Variants in CPVL observed in about 807,000 individuals in gnomAD.
CPVL encodes carboxypeptidase vitellogenic like, also known as probable serine carboxypeptidase CPVL.
In CPVL, 51 loss-of-function variants were observed where a neutral mutation model predicts 63.7. The observed-to-expected ratio is 0.80, with a 90% confidence interval of 0.64 to 1.01. The LOEUF (loss-of-function observed/expected upper bound fraction) is 1.01. CPVL is among the 50% of genes least tolerant of loss of function. CPVL has a pLI of 0.00. For synonymous variants in CPVL, 195 were observed against 206.0 expected (o/e 0.95, Z 0.46); for missense variants, 530 against 573.1 (o/e 0.92, Z 0.77).
At chr7:29,005,180 C>T (rs1293909649) in intron 12 of CPVL, among the ~76,000 whole-genome samples, 2 of 152,090 alleles carry the variant, frequency 1.3e-5, no homozygotes, top group African/African-American at 2.4e-5. Context: ...GATTACCCAT[C>T]GCGCCTGGCC....
At chr7:29,056,104 G>A (rs952325335) in intron 11 of CPVL, among the ~76,000 whole-genome samples, 1 of 152,186 alleles carries the variant, frequency 6.6e-6, no homozygotes, top group East Asian at 1.9e-4. Flanking sequence ...CACCCCTTAT[G>A]CCCTCTCCCA....
At chr7:29,142,087 C>T (rs1791954904) in intron 1 of CPVL, among the ~76,000 whole-genome samples, 1 of 152,230 alleles carries the variant, frequency 6.6e-6, no homozygotes, top group Admixed American at 6.5e-5. Flanking sequence ...ACCTTACCCC[C>T]TGAACTTCCC....
intron 12 of CPVL, among the ~76,000 whole-genome samples, chr7:29,021,745 C>T (rs1786999776): frequency 6.6e-6 from 1 of 151,948 alleles, no homozygotes; most frequent in African/African-American, 2.4e-5. Flanking sequence ...CTGGGTCCCA[C>T]ACATCCCCTG....
chr7:29,061,898 C>T (rs187460591), intron 11 of CPVL, among the ~76,000 whole-genome samples: 152 of 150,324 alleles, frequency 1.0e-3, no homozygotes, highest in Non-Finnish European at 1.7e-3. Flanking sequence ...GTGAGCCAGT[C>T]GCACCATTGC....
intron 12 of CPVL, among the ~76,000 whole-genome samples, chr7:29,007,775 AGT>A (rs1554325806): frequency 6.6e-6 from 1 of 151,630 alleles, no homozygotes; most frequent in Non-Finnish European, 1.5e-5. Context: ...ACACACACAC[AGT>A]CAGAGGCAAA....
At chr7:29,015,985 A>G (rs142400277) in intron 12 of CPVL, among the ~76,000 whole-genome samples, 62 of 152,342 alleles carry the variant, frequency 4.1e-4, no homozygotes, top group African/African-American at 1.4e-3. Context: ...GAGAGCTCAC[A>G]GATGCGGAAT....
chr7:29,167,726 C>T (rs1392767225), intron 5 of CPVL, among the ~76,000 whole-genome samples: 1 of 152,174 alleles, frequency 6.6e-6, no homozygotes, highest in Non-Finnish European at 1.5e-5. Context: ...AAACTGGCAT[C>T]TGTGAAAGTC....
intron 1 of CPVL, among the ~76,000 whole-genome samples, chr7:29,136,270 A>G (rs989547578): frequency 2.6e-5 from 4 of 152,240 alleles, no homozygotes; most frequent in African/African-American, 9.6e-5. Flanking sequence ...AGAGTGATAG[A>G]GAAAATAGAA....
At chr7:29,147,020 G>A, upstream of CPVL, 1 of 1,547,752 alleles carries the variant, frequency 6.5e-7, no homozygotes, top group Non-Finnish European at 8.7e-7. Flanking sequence ...CTGCGCTGGA[G>A]TCTCAGAGCC....
intron 11 of CPVL, among the ~76,000 whole-genome samples, chr7:29,040,356 T>C (rs1177512827): frequency 6.6e-6 from 1 of 152,234 alleles, no homozygotes; most frequent in Admixed American, 6.5e-5. Context: ...AAAACTTTAA[T>C]TCAGCTGAGG....
chr7:29,157,472 G>A (rs1794560345), intron 5 of CPVL, among the ~76,000 whole-genome samples: 4 of 152,084 alleles, frequency 2.6e-5, no homozygotes, highest in Admixed American at 2.6e-4. Context: ...AGTTAGCTTC[G>A]CACAGTGGCT....
chr7:29,006,041 C>T (rs112242514), intron 12 of CPVL, among the ~76,000 whole-genome samples: 188 of 152,230 alleles, frequency 1.2e-3, no homozygotes, highest in African/African-American at 5.8e-4. Flanking sequence ...AAACAAGAGC[C>T]GGCTAACCTG....
intron 11 of CPVL, among the ~76,000 whole-genome samples, chr7:29,033,326 G>A (rs933804457): frequency 6.6e-6 from 1 of 152,170 alleles, no homozygotes; most frequent in Non-Finnish European, 1.5e-5. Context: ...CTAGGACCCA[G>A]TGGCTGAGCA....
At chr7:29,065,274 A>G (rs76047368) in intron 10 of CPVL, among the ~76,000 whole-genome samples, 16 of 152,112 alleles carry the variant, frequency 1.1e-4, no homozygotes, top group African/African-American at 3.1e-4. Flanking sequence ...TGTCTACCAC[A>G]TGTTTTTCTC....
intron 5 of CPVL, among the ~76,000 whole-genome samples, chr7:29,180,261 C>CT (rs1422384614): frequency 6.6e-6 from 1 of 152,162 alleles, no homozygotes; most frequent in Non-Finnish European, 1.5e-5. Context: ...TGTGGTGGCT[C>CT]ACGCCTGTAA....
chr7:29,090,306 C>G (rs1209195868), intron 6 of CPVL, among the ~76,000 whole-genome samples: 1 of 152,166 alleles, frequency 6.6e-6, no homozygotes, highest in African/African-American at 2.4e-5. Context: ...GTGAAGGGAG[C>G]CTCTTCTGCA....
intron 3 of CPVL, among the ~76,000 whole-genome samples, chr7:29,107,938 C>A (rs1341012439): frequency 1.3e-5 from 2 of 152,212 alleles, no homozygotes; most frequent in Non-Finnish European, 2.9e-5. Flanking sequence ...ACATGCTCTT[C>A]TACTGCCAGA....
chr7:29,060,221 C>T (rs1204683736), intron 11 of CPVL, among the ~76,000 whole-genome samples: 1 of 152,092 alleles, frequency 6.6e-6, no homozygotes, highest in Non-Finnish European at 1.5e-5. Flanking sequence ...AGTGTGTTTA[C>T]ATATATAATC....
chr7:29,033,328 G>C (rs1788215112), intron 11 of CPVL, among the ~76,000 whole-genome samples: 1 of 152,144 alleles, frequency 6.6e-6, no homozygotes, highest in African/African-American at 2.4e-5. Context: ...AGGACCCAGT[G>C]GCTGAGCATG....
Sources: gnomAD v4.1 joint callset for allele counts (sites outside exome capture counted in the v4.1 genomes callset) on GRCh38, gnomAD v4.1.1 for gene constraint, MANE v1.5 for transcripts, NCBI Gene and HGNC (gene_info 2026-07-23, HGNC 2026-07-21) for gene names.